AMDHD1: variants seen among roughly 807,000 people sequenced by gnomAD.
AMDHD1 encodes the protein probable imidazolonepropionase.
A neutral mutation model predicts 44.1 loss-of-function variants in AMDHD1; 45 were observed. That is an observed-to-expected ratio of 1.02 (90% confidence interval 0.80 to 1.31). The LOEUF (loss-of-function observed/expected upper bound fraction) is 1.31, where lower values mean the gene tolerates loss of function less well. Ranked by LOEUF, AMDHD1 falls within the 50% of genes most tolerant of loss-of-function variation. The pLI is 0.00. For synonymous variants in AMDHD1, 206 were observed against 205.0 expected (o/e 1.00, Z -0.04); for missense variants, 586 against 552.1 (o/e 1.06, Z -0.61).
rs1320567885 is a variant in AMDHD1, at chr12:95,965,786, A to C, written c.1032+7A>C. ...TGCATATTGCTTTTCAATGGTAATT[A>C]TTTTTTTCATGTACCTTTCTGAGCA... On this transcript the variant is annotated splice_region_variant and intron_variant, in intron 7 of 8. Coordinates refer to ENST00000266736, the MANE Select transcript of AMDHD1 (RefSeq NM_152435.3). 2.5e-6 allele frequency: 4 copies of C among 1,580,068 alleles called. No homozygotes were observed. The highest frequency in any genetic ancestry group is 3.5e-6 in the Non-Finnish European group (4 of 1,153,744).
intron 4 of AMDHD1, 26 bp downstream of exon 4, chr12:95,956,988 G>C (rs1032478183): frequency 8.1e-6 from 13 of 1,610,340 alleles, no homozygotes; most frequent in Non-Finnish European, 9.3e-6. Flanking sequence ...GGGGGCCCGG[G>C]TTTAACTCAG....
Position 95,966,351 on chromosome 12 carries a change from A to G in AMDHD1, c.1036A>G (p.Met346Val), listed in dbSNP as rs781312532. The G allele has an allele frequency of 3.7e-6, 6 of 1,613,950 alleles. No individual in the cohort carries two copies. Among genetic ancestry groups the G allele is most frequent in the African/African-American group, 1.3e-5 (1 of 74,926 alleles). The change falls in exon 8 of 9, where the codon ATG becomes GTG. Residue 346 changes from methionine to valine, a missense_variant. By Grantham distance (21) the Met-to-Val change is conservative. Transcript: ENST00000266736. ...NPNAYCFSMP[M>V]VMHLACVNMR... ...CACTTTTCTCTTCCTGCCTTAGCCAATGGTCATGCATCTGGCCTGTGTAAA... is the reference window on the plus strand; with the variant it reads ...CACTTTTCTCTTCCTGCCTTAGCCAGTGGTCATGCATCTGGCCTGTGTAAA...
rs2080588663 is a variant in AMDHD1 at position 95,962,625 on chromosome 12, C to CA, written c.938+146_938+147insA. On this transcript the variant is annotated intron_variant, in intron 6 of 8. Transcript: ENST00000266736. ...AAAACTCAGCTAATGAAGATGCCAA[C>CA]CCTGGACTGATGTTCGTAAACGAAT... 4.0e-6 allele frequency: 4 copies of CA among 990,260 alleles called. No individual in the cohort carries two copies. The South Asian group carries it at 1.2e-4, about 30-fold the overall frequency. 61.3% of individuals were successfully genotyped at this position (990,260 alleles called of 1,614,324 possible).
chr12:95,955,090 A>C, intron 3 of AMDHD1, 115 bp downstream of exon 3: 1 of 1,019,928 alleles, frequency 9.8e-7, no homozygotes, highest in South Asian at 1.4e-5. Flanking sequence ...TTTAATGGAT[A>C]TTTTTACTTG....
chr12:95,967,744 T>TTTTTTTTTTC lies in AMDHD1; in HGVS notation c.1194-5_1194-4insTTCTTTTTTT. Reference sequence around the variant, plus strand: ...TTGAAGTAATATTTGTTGTTTTTTTTTTTTTTTCTAGATGGGAGCATTTGA... The same window carrying TTTTTTTTTTC: ...TTGAAGTAATATTTGTTGTTTTTTTTTTTTTTTTTCTTTTTTTCTAGATGGGAGCATTTGA... On this transcript the variant is annotated splice_polypyrimidine_tract_variant and intron_variant, in intron 8 of 8. Transcript: ENST00000266736. 1 of 1,545,186 alleles carries TTTTTTTTTTC rather than the reference T, an allele frequency of 6.5e-7. No homozygotes were observed. Among genetic ancestry groups the TTTTTTTTTTC allele is most frequent in the Non-Finnish European group, 8.7e-7 (1 of 1,149,462 alleles).
In AMDHD1 at chr12:95,960,381, C is replaced by T; in HGVS notation, c.588-17C>T. ...GTTTTTAATATTTGCCCATGGCAATCTCATTTTCTTCCCCAGAGGAAAAAC... is the reference window on the plus strand; with the variant it reads ...GTTTTTAATATTTGCCCATGGCAATTTCATTTTCTTCCCCAGAGGAAAAAC... On this transcript the variant is annotated splice_polypyrimidine_tract_variant and intron_variant, in intron 4 of 8. Coordinates refer to ENST00000266736, the MANE Select transcript of AMDHD1 (RefSeq NM_152435.3). 1 of 1,609,350 alleles carries T rather than the reference C, an allele frequency of 6.2e-7. No individual in the cohort carries two copies. Among genetic ancestry groups the T allele is most frequent in the South Asian group, 1.1e-5 (1 of 90,392 alleles).
At chr12:95,951,950 C>A (rs561982156) in intron 1 of AMDHD1, among the ~76,000 whole-genome samples, 139 of 152,146 alleles carry the variant, frequency 9.1e-4, no homozygotes, top group Admixed American at 2.5e-3. Context: ...TCCTATTGAG[C>A]TGTTTGAGCT....
rs182142532 is a variant in AMDHD1 at position 95,968,235 on chromosome 12, G to A, written c.*392G>A. 198 of 160,520 alleles carry A rather than the reference G, an allele frequency of 1.2e-3. 1 individual carries two copies. The highest frequency in any genetic ancestry group is 6.0e-3 in the Middle Eastern group (2 of 332). The allele number at this position is 160,520 out of a possible 1,614,324, so 9.9% of individuals were successfully genotyped here. ...TATATTTAGTGAACATTGAGGGATCGAAAGAAATCTAAGTGATACGCCCCA... is the reference window on the plus strand; with the variant it reads ...TATATTTAGTGAACATTGAGGGATCAAAAGAAATCTAAGTGATACGCCCCA... On this transcript the variant is annotated 3_prime_UTR_variant, in exon 9 of 9. Coordinates refer to ENST00000266736, the MANE Select transcript of AMDHD1 (RefSeq NM_152435.3).
chr12:95,959,790 CTTTTTTTTTT>C (rs63130861), intron 4 of AMDHD1, among the ~76,000 whole-genome samples: 4 of 67,360 alleles, frequency 5.9e-5, no homozygotes, highest in Non-Finnish European at 1.1e-4. Context: ...GAAGATTATG[CTTTTTTTTTT>C]TTTTTTTTTT....
At chr12:95,945,776 AGT>A (rs998321765) in intron 1 of AMDHD1, among the ~76,000 whole-genome samples, 4 of 95,876 alleles carry the variant, frequency 4.2e-5, no homozygotes, top group African/African-American at 1.9e-4. Flanking sequence ...GGATTTTAAC[AGT>A]GTGTGTTTTT....
chr12:95,957,086 T>C lies in AMDHD1; in HGVS notation c.587+124T>C, dbSNP rs1592824018. The C allele has an allele frequency of 2.2e-6, 3 of 1,336,238 alleles. No individual in the cohort carries two copies. The East Asian group carries it at 7.0e-5, about 31-fold the overall frequency. The allele number at this position is 1,336,238 out of a possible 1,614,324, so 82.8% of individuals were successfully genotyped here. A position where few individuals can be genotyped will look rare whatever the true frequency, so the allele number is the denominator to read the frequency against. Reference sequence around the variant, plus strand: ...GATAGAAGTCTTTGGAAAGACCTGATTCTAATGGCCACTCATCCCGCAGAC... The same window carrying C: ...GATAGAAGTCTTTGGAAAGACCTGACTCTAATGGCCACTCATCCCGCAGAC... On this transcript the variant is annotated intron_variant, in intron 4 of 8. Coordinates refer to ENST00000266736, the MANE Select transcript of AMDHD1 (RefSeq NM_152435.3).
chr12:95,946,201 A>G (rs2080495149), intron 1 of AMDHD1, among the ~76,000 whole-genome samples: 1 of 152,182 alleles, frequency 6.6e-6, no homozygotes, highest in Non-Finnish European at 1.5e-5. Flanking sequence ...GAAAATGTCT[A>G]AATGAACAAA....
chr12:95,951,645 G>A (rs2080526117), intron 1 of AMDHD1, among the ~76,000 whole-genome samples: 1 of 152,078 alleles, frequency 6.6e-6, no homozygotes, highest in South Asian at 2.1e-4. Context: ...TCTATTTTTA[G>A]TTTTTGAGGA....
Position 95,943,457 on chromosome 12 carries a change from C to A in AMDHD1, c.59C>A (p.Ala20Asp), listed in dbSNP as rs965697187. 3.2e-5 allele frequency: 48 copies of A among 1,503,882 alleles called. No individual in the cohort carries two copies. Among genetic ancestry groups the A allele is most frequent in the Non-Finnish European group, 4.0e-5 (45 of 1,131,352 alleles). The allele number at this position is 1,503,882 out of a possible 1,614,324, so 93.2% of individuals were successfully genotyped here. Residue 20 changes from alanine (A) to aspartate (D), a missense_variant, in exon 1 of 9, where the codon GCC becomes GAC. Transcript: ENST00000266736. ...ENAQQVVLVC[A>D]RGERFLARDA... ...GCGCAGCAAGTGGTGCTGGTGTGCGCCCGCGGCGAGCGCTTCCTGGCGCGG... is the reference window on the plus strand; with the variant it reads ...GCGCAGCAAGTGGTGCTGGTGTGCGACCGCGGCGAGCGCTTCCTGGCGCGG...
Position 95,962,396 on chromosome 12 carries a change from A to G in AMDHD1, c.855A>G (p.Glu285=), listed in dbSNP as rs2080586918. The G allele has an allele frequency of 1.2e-6, 2 of 1,613,944 alleles. No homozygotes were observed. The highest frequency in any genetic ancestry group is 1.7e-6 in the Non-Finnish European group (2 of 1,179,928). The change falls in exon 6 of 9, where the codon GAA becomes GAG. Residue 285 remains glutamate (E), a synonymous_variant. Transcript: ENST00000266736. ...ELGAQAISHL[E]EVSDEGIVAM... ...GAGCGCAGGCAATCAGCCACCTGGA[A>G]GAAGTGAGTGATGAAGGCATCGTTG...
intron 1 of AMDHD1, among the ~76,000 whole-genome samples, chr12:95,946,240 A>G (rs1302281323): frequency 6.6e-6 from 1 of 152,212 alleles, no homozygotes; most frequent in Non-Finnish European, 1.5e-5. Flanking sequence ...ATAGATTCAT[A>G]CACAAGGACC....
intron 1 of AMDHD1, among the ~76,000 whole-genome samples, chr12:95,950,313 A>T (rs970544276): frequency 6.6e-6 from 1 of 152,096 alleles, no homozygotes; most frequent in Non-Finnish European, 1.5e-5. Context: ...CACAATCATT[A>T]TTTCTTTTCC....
Position 95,967,917 on chromosome 12 carries a change from T to A in AMDHD1, c.*74T>A, listed in dbSNP as rs2136773667. On this transcript the variant is annotated 3_prime_UTR_variant, in exon 9 of 9. Transcript: ENST00000266736. Reference sequence around the variant, plus strand: ...AGTTATATTAAAAGTTAAAACACCTTAATATTTACAAGAATTATATCACTT... The same window carrying A: ...AGTTATATTAAAAGTTAAAACACCTAAATATTTACAAGAATTATATCACTT... The A allele has an allele frequency of 3.0e-6, 3 of 1,001,242 alleles. No individual in the cohort carries two copies. The highest frequency in any genetic ancestry group is 1.7e-5 in the African/African-American group (1 of 59,590). The allele number at this position is 1,001,242 out of a possible 1,614,324, so 62.0% of individuals were successfully genotyped here. A position where few individuals can be genotyped will look rare whatever the true frequency, so the allele number is the denominator to read the frequency against.
chr12:95,967,961 A>G lies in AMDHD1; in HGVS notation c.*118A>G, dbSNP rs940554825. On this transcript the variant is annotated 3_prime_UTR_variant, in exon 9 of 9. Coordinates refer to ENST00000266736, the MANE Select transcript of AMDHD1 (RefSeq NM_152435.3). ...ATCACTTAAACCTAAATGTACTTCA[A>G]TGTCTTTTTAAGTCACTCAAAAAAC... is the stretch of plus-strand genomic sequence containing the variant. 1.9e-5 allele frequency: 14 copies of G among 724,660 alleles called. No individual in the cohort carries two copies. Among genetic ancestry groups the G allele is most frequent in the Admixed American group, 1.1e-4 (3 of 28,192 alleles). The allele number at this position is 724,660 out of a possible 1,614,324, so 44.9% of individuals were successfully genotyped here.
Sources: gnomAD v4.1 joint callset for allele counts (sites outside exome capture counted in the v4.1 genomes callset) on GRCh38, gnomAD v4.1.1 for gene constraint, MANE v1.5 for transcripts, NCBI Gene and HGNC (gene_info 2026-07-23, HGNC 2026-07-21) for gene names.